RFC1: variants seen among roughly 807,000 people sequenced by gnomAD.
The protein encoded by RFC1 is A1 140 kDa subunit.
A neutral mutation model predicts 137.4 loss-of-function variants in RFC1; 37 were observed. The observed-to-expected ratio is 0.27, with a 90% CI of 0.21 to 0.35. RFC1 has a LOEUF of 0.35. RFC1 is among the 10% of genes least tolerant of loss of function. RFC1 has a pLI of 1.00. For synonymous variants in RFC1, 429 were observed against 455.7 expected (o/e 0.94, Z 0.75); for missense variants, 1,205 against 1,358.5 (o/e 0.89, Z 1.78).
intron 4 of RFC1, among the ~76,000 whole-genome samples, chr4:39,336,951 T>C (rs1740382027): frequency 6.6e-6 from 1 of 152,136 alleles, no homozygotes; most frequent in South Asian, 2.1e-4. Flanking sequence ...CAAAGATAAA[T>C]CTATCAAATT....
intron 4 of RFC1, among the ~76,000 whole-genome samples, chr4:39,334,048 G>A (rs781495532): frequency 6.6e-6 from 1 of 151,838 alleles, no homozygotes; most frequent in East Asian, 1.9e-4. Flanking sequence ...GTTATGAAAA[G>A]AAAAAGGGAG....
rs1023961981 is a variant in RFC1 at position 39,302,160 on chromosome 4, T to C, written c.2535+118A>G. On this transcript the variant is annotated intron_variant, in intron 19 of 24. Transcript: ENST00000349703. ...GCAGCTGTCTATACTTCCTACTATATATCCCTGGATTCCACAGGCATACCA... is the reference window on the plus strand; with the variant it reads ...GCAGCTGTCTATACTTCCTACTATACATCCCTGGATTCCACAGGCATACCA... The C allele has an allele frequency of 6.1e-6, 4 of 658,488 alleles. No homozygotes were observed. The East Asian group carries it at 8.2e-5, about 13-fold the overall frequency. 40.8% of individuals were successfully genotyped at this position (658,488 alleles called of 1,614,324 possible). A position where few individuals can be genotyped will look rare whatever the true frequency, so the allele number is the denominator to read the frequency against.
chr4:39,303,478 A>G (rs1738476201), intron 15 of RFC1, among the ~76,000 whole-genome samples: 1 of 151,500 alleles, frequency 6.6e-6, no homozygotes, highest in Non-Finnish European at 1.5e-5. Context: ...TTTTTGAGAC[A>G]GAGTTTCACT....
At chr4:39,312,627 T>C (rs1350425032) in intron 11 of RFC1, 125 bp downstream of exon 11, 10 of 917,478 alleles carry the variant, frequency 1.1e-5, no homozygotes, top group Admixed American at 5.3e-5. Context: ...GAAGAAATAA[T>C]GTAGGCAAGA....
chr4:39,298,138 G>A (rs539001565), intron 21 of RFC1, among the ~76,000 whole-genome samples: 16 of 152,078 alleles, frequency 1.1e-4, no homozygotes, highest in South Asian at 4.2e-4. Flanking sequence ...GCGAAACCCC[G>A]TCTCTACAAC....
chr4:39,345,340 A>G, intron 3 of RFC1, 61 bp downstream of exon 3: 1 of 1,381,160 alleles, frequency 7.2e-7, no homozygotes, highest in Non-Finnish European at 1.0e-6. Context: ...AGTTTAAAGC[A>G]CTGTTCTAAG....
At chr4:39,289,038 A>G (rs1233193269) in intron 24 of RFC1, among the ~76,000 whole-genome samples, 194 bp from the exon 25 acceptor site, 1 of 152,114 alleles carries the variant, frequency 6.6e-6, no homozygotes, top group Non-Finnish European at 1.5e-5. Context: ...CAGCCTTTAA[A>G]AGCTGGCAGT....
intron 4 of RFC1, among the ~76,000 whole-genome samples, chr4:39,334,960 G>A (rs1270727351): frequency 6.6e-6 from 1 of 151,902 alleles, no homozygotes; most frequent in East Asian, 1.9e-4. Context: ...AAAATGTGGG[G>A]GTCCATATAA....
intron 1 of RFC1, among the ~76,000 whole-genome samples, chr4:39,360,053 A>G (rs1454965422): frequency 1.3e-5 from 2 of 152,058 alleles, no homozygotes; most frequent in African/African-American, 2.4e-5. Context: ...ATAAATAAAA[A>G]TGAAGGCAAC....
At chr4:39,289,010 C>A (rs1040195207) in intron 24 of RFC1, among the ~76,000 whole-genome samples, 166 bp from the exon 25 acceptor site, 2 of 151,784 alleles carry the variant, frequency 1.3e-5, no homozygotes, top group South Asian at 4.1e-4. Flanking sequence ...GCGCTTACAG[C>A]AACAACTGCG....
intron 3 of RFC1, among the ~76,000 whole-genome samples, chr4:39,344,606 A>G (rs1413385695): frequency 6.6e-6 from 1 of 152,162 alleles, no homozygotes; most frequent in Non-Finnish European, 1.5e-5. Flanking sequence ...TACTAAAATT[A>G]TAAAATTTCA....
At position 39,314,330 on chromosome 4, in the gene RFC1, T is replaced by C. The variant is rs557575360; in HGVS notation, c.1204-1399A>G. 3.3e-5 allele frequency among the ~76,000 whole-genome samples: 5 copies of C among 152,298 alleles called. 1 individual carries two copies. Among genetic ancestry groups the C allele is most frequent in the African/African-American group, 1.2e-4 (5 of 41,576 alleles). On this transcript the variant is annotated intron_variant, in intron 10 of 24. Transcript: ENST00000349703. ...AAAACAACCCTGGAAAAATTGCACA[T>C]GCAAGCCCCTATATCCCATATCCCA... is the stretch of plus-strand genomic sequence containing the variant.
intron 2 of RFC1, among the ~76,000 whole-genome samples, chr4:39,349,283 A>G (rs910242010): frequency 6.6e-6 from 1 of 152,220 alleles, no homozygotes; most frequent in East Asian, 1.9e-4. Context: ...CTGTGTCCCC[A>G]AAATTCACAC....
Position 39,327,597 on chromosome 4 carries a change from G to C in RFC1, c.491C>G (p.Ser164Ter). The C allele has an allele frequency of 1.2e-6, 2 of 1,613,698 alleles. No individual in the cohort carries two copies. Among genetic ancestry groups the C allele is most frequent in the Non-Finnish European group, 1.7e-6 (2 of 1,179,846 alleles). The part of the protein sequence containing the change: ...PLSPIKLTPT[S>*]VLDYFGTGSV... ...TCCAGTTCCAAAATAATCAAGTACT[G>C]ATGTGGGTGTAAGTTTTATTGGTGA... is the stretch of plus-strand genomic sequence containing the variant. Residue 164 changes from serine (S) to a stop codon, truncating the protein, a stop_gained, in exon 5 of 25, where the codon TCA becomes TGA. Transcript: ENST00000349703. LOFTEE classifies it high-confidence loss of function.
intron 1 of RFC1, among the ~76,000 whole-genome samples, chr4:39,359,930 G>C (rs577325891): frequency 1.3e-5 from 2 of 152,080 alleles, no homozygotes; most frequent in Non-Finnish European, 2.9e-5. Context: ...TACTACTTGG[G>C]TGATGGGTGC....
intron 14 of RFC1, 64 bp downstream of exon 14, chr4:39,306,527 CT>C: frequency 1.2e-6 from 1 of 845,362 alleles, no homozygotes; most frequent in Non-Finnish European, 2.0e-6. Flanking sequence ...TGGGTACACA[CT>C]TTTATCTCCT....
chr4:39,305,507 G>A (rs954686455), intron 14 of RFC1, among the ~76,000 whole-genome samples: 1 of 152,064 alleles, frequency 6.6e-6, no homozygotes, highest in Non-Finnish European at 1.5e-5. Flanking sequence ...ACTCTGGAGG[G>A]TGAGGCATGA....
intron 1 of RFC1, chr4:39,365,368 T>A: frequency 2.8e-6 from 2 of 724,956 alleles, no homozygotes; most frequent in Non-Finnish European, 1.7e-6. Flanking sequence ...TTGAAAAAAA[T>A]TATATCGGAT....
chr4:39,365,430 T>C, intron 1 of RFC1: 1 of 980,260 alleles, frequency 1.0e-6, no homozygotes. Context: ...TTTAAAAATA[T>C]TTCAAACACA....
Sources: allele counts gnomAD v4.1 joint callset (sites outside exome capture counted in the v4.1 genomes callset), GRCh38; gene constraint gnomAD v4.1.1; transcripts MANE v1.5; gene names NCBI Gene and HGNC (gene_info 2026-07-23, HGNC 2026-07-21).